USP25: variants seen among roughly 807,000 people sequenced by gnomAD.
The protein encoded by USP25 is ubiquitin specific peptidase 25.
In USP25, 85 loss-of-function variants were observed where a neutral mutation model predicts 158.5. That is an observed-to-expected ratio of 0.54 (90% CI 0.45 to 0.64). The LOEUF is 0.64. Ranked by LOEUF, USP25 falls within the 30% of genes least tolerant of loss-of-function variation. The pLI, the probability that USP25 is intolerant of heterozygous loss-of-function variation, is 0.00. For synonymous variants in USP25, 464 were observed against 460.4 expected, an observed-to-expected ratio of 1.01 and a Z score of -0.10; for missense variants, 1,242 against 1,327.3, an observed-to-expected ratio of 0.94 and a Z score of 1.00.
chr21:15,777,888 T>A lies in USP25; in HGVS notation c.269-16T>A. ...GTTTTACTTTTAATTTTGAGAAAGA[T>A]AGTTTTGCTTTTCAGATGTGATTGA... On this transcript the variant is annotated splice_polypyrimidine_tract_variant and intron_variant, in intron 3 of 25. Coordinates refer to ENST00000400183, the MANE Select transcript of USP25 (RefSeq NM_001283041.3). 1.3e-6 allele frequency: 2 copies of A among 1,564,584 alleles called. No homozygotes were observed. The highest frequency in any genetic ancestry group is 2.3e-5 in the East Asian group (1 of 44,002).
chr21:15,769,822 T>A (rs1409530196), intron 3 of USP25, among the ~76,000 whole-genome samples: 1 of 152,136 alleles, frequency 6.6e-6, no homozygotes, highest in Non-Finnish European at 1.5e-5. Context: ...TGTGCTACAA[T>A]TGAGCGATCA....
chr21:15,763,559 C>T (rs544764526), intron 2 of USP25, among the ~76,000 whole-genome samples: 36 of 152,170 alleles, frequency 2.4e-4, no homozygotes, highest in African/African-American at 8.7e-4. Context: ...TGGATACTCA[C>T]ATTGAAAAAG....
rs1388852418 is a variant in USP25 at position 15,820,030 on chromosome 21, T to A, written c.1080+1184T>A. ...CAGGGTCTACGATAGGGATGTGGTA[T>A]ATGGACACAAGAGCTGCACAAGTAA... On this transcript the variant is annotated intron_variant, in intron 10 of 25. Transcript: ENST00000400183. Among the ~76,000 whole-genome samples the A allele has an allele frequency of 9.9e-5, 15 of 152,164 alleles. No homozygotes were observed. The East Asian group carries it at 2.9e-3, about 29-fold the overall frequency.
chr21:15,813,805 C>G (rs1416084059), intron 9 of USP25, among the ~76,000 whole-genome samples: 3 of 152,030 alleles, frequency 2.0e-5, no homozygotes, highest in African/African-American at 7.2e-5. Context: ...AAACCTAGCC[C>G]CAGTTTAGTT....
chr21:15,805,857 A>T (rs894266520), intron 7 of USP25, among the ~76,000 whole-genome samples: 1 of 152,236 alleles, frequency 6.6e-6, no homozygotes, highest in African/African-American at 2.4e-5. Flanking sequence ...GTTCAAAAAG[A>T]TAGCGGCAAT....
rs768067419 is a variant in USP25 at position 15,805,231 on chromosome 21, T to A, written c.753T>A (p.Asp251Glu). The part of the protein sequence containing the change: ...DPSRAVEILK[D>E]AFKSNDSQQQ... ...CAAGAGCAGTTGAAATTCTTAAGGA[T>A]GCTTTCAAATCAAATGACTCACAGC... Residue 251 changes from aspartate (D) to glutamate (E), a missense_variant, in exon 7 of 26, where the codon GAT becomes GAA. By Grantham distance (45) the Asp-to-Glu change is conservative. Around this residue, in one of 3 missense-constraint regions of USP25, gnomAD observed 627 missense variants for 701.4 expected, o/e 0.89. Coordinates refer to ENST00000400183, the MANE Select transcript of USP25 (RefSeq NM_001283041.3). 5 of 1,604,092 alleles carry A rather than the reference T, an allele frequency of 3.1e-6. No individual in the cohort carries two copies. The South Asian group carries it at 5.6e-5, about 18-fold the overall frequency.
At chr21:15,828,874 T>A (rs576117346) in intron 14 of USP25, among the ~76,000 whole-genome samples, 4 of 152,234 alleles carry the variant, frequency 2.6e-5, no homozygotes, top group African/African-American at 9.6e-5. Context: ...CTTGACCTTG[T>A]TATCCGCCCA....
At chr21:15,862,706 GTTA>G in intron 20 of USP25, among the ~76,000 whole-genome samples, 1 of 146,984 alleles carries the variant, frequency 6.8e-6, no homozygotes, top group East Asian at 2.0e-4. Flanking sequence ...ATTTATGGCT[GTTA>G]TTTATTCACA....
intron 10 of USP25, among the ~76,000 whole-genome samples, chr21:15,823,330 A>G: frequency 6.6e-6 from 1 of 151,452 alleles, no homozygotes; most frequent in East Asian, 1.9e-4. Flanking sequence ...TTAATTGAAC[A>G]GTTACCAAAG....
intron 5 of USP25, among the ~76,000 whole-genome samples, chr21:15,798,138 C>T (rs2035951711): frequency 6.6e-6 from 1 of 151,288 alleles, no homozygotes; most frequent in Non-Finnish European, 1.5e-5. Flanking sequence ...CCACTGCAAA[C>T]ATGACTTTGC....
chr21:15,768,133 GT>G (rs2123440818), intron 3 of USP25, among the ~76,000 whole-genome samples: 1 of 152,188 alleles, frequency 6.6e-6, no homozygotes, highest in Non-Finnish European at 1.5e-5. Flanking sequence ...GAGAAATGAA[GT>G]TTCTGATGTC....
At chr21:15,783,291 G>A (rs1004651021) in intron 4 of USP25, among the ~76,000 whole-genome samples, 2 of 152,086 alleles carry the variant, frequency 1.3e-5, no homozygotes, top group Non-Finnish European at 2.9e-5. Flanking sequence ...TTCATATTAT[G>A]GGAGTGCCAG....
chr21:15,849,129 A>G (rs1015343156), intron 19 of USP25, among the ~76,000 whole-genome samples: 1 of 152,198 alleles, frequency 6.6e-6, no homozygotes. Context: ...TAAGCAGTTA[A>G]GTACTTGTTT....
intron 20 of USP25, among the ~76,000 whole-genome samples, chr21:15,862,256 T>C (rs1286087511): frequency 1.3e-5 from 2 of 152,082 alleles, no homozygotes; most frequent in Non-Finnish European, 2.9e-5. Context: ...ATCTGAAATA[T>C]TGCAAAATCC....
At chr21:15,810,626 T>C (rs974939851) in intron 8 of USP25, among the ~76,000 whole-genome samples, 3 of 152,140 alleles carry the variant, frequency 2.0e-5, no homozygotes, top group Non-Finnish European at 4.4e-5. Context: ...TTCAGCTACT[T>C]TGGGTGAAAA....
At chr21:15,745,780 T>C (rs2032504979) in intron 1 of USP25, among the ~76,000 whole-genome samples, 1 of 152,192 alleles carries the variant, frequency 6.6e-6, no homozygotes, top group African/African-American at 2.4e-5. Flanking sequence ...CCGGCTGCTT[T>C]AACCATTTTC....
rs932927489 is a variant in USP25, at chr21:15,805,367, A to G, written c.780+109A>G. On this transcript the variant is annotated intron_variant, in intron 7 of 25. Transcript: ENST00000400183. ...TATTTGAGATGCATGATTCTGCTTT[A>G]TTAAAAATAACCTGGAACCATTTAA... is the stretch of plus-strand genomic sequence containing the variant. 4.5e-6 allele frequency: 5 copies of G among 1,120,430 alleles called. No homozygotes were observed. The African/African-American group carries it at 4.8e-5, about 11-fold the overall frequency. 69.4% of individuals were successfully genotyped at this position (1,120,430 alleles called of 1,614,324 possible).
In USP25 at chr21:15,863,274, G is replaced by A. The variant is rs1206442217; in HGVS notation, c.2548-994G>A. 4.0e-5 allele frequency among the ~76,000 whole-genome samples: 6 copies of A among 151,768 alleles called. No individual in the cohort carries two copies. The East Asian group carries it at 1.2e-3, about 29-fold the overall frequency. On this transcript the variant is annotated intron_variant, in intron 20 of 25. Coordinates refer to ENST00000400183, the MANE Select transcript of USP25 (RefSeq NM_001283041.3). ...CCCATTATTATTTGTATATTATGAG[G>A]TATTTTTGTTTATAAAGAAAAACTA... is the stretch of plus-strand genomic sequence containing the variant.
Position 15,874,418 on chromosome 21 carries a change from G to T in USP25, c.2901G>T (p.Leu967Phe). Reference sequence around the variant, plus strand: ...AATTTTCAAGTTATATAGATTCCTTGCTGTTCCTCATCTGTGCTTATCAGA... The same window carrying T: ...AATTTTCAAGTTATATAGATTCCTTTCTGTTCCTCATCTGTGCTTATCAGA... ...NFQRESYIDS[L>F]LFLICAYQNN... The change falls in exon 24 of 26, where the codon TTG becomes TTT. Residue 967 changes from leucine to phenylalanine, a missense_variant. Coordinates refer to ENST00000400183, the MANE Select transcript of USP25 (RefSeq NM_001283041.3). 1 of 1,605,540 alleles carries T rather than the reference G, an allele frequency of 6.2e-7. No homozygotes were observed. The highest frequency in any genetic ancestry group is 8.5e-7 in the Non-Finnish European group (1 of 1,175,920).
Sources: gnomAD v4.1 joint callset for allele counts (sites outside exome capture counted in the v4.1 genomes callset) on GRCh38, gnomAD v4.1.1 for gene constraint, gnomAD v4.1.1 regional missense constraint, MANE v1.5 for transcripts, NCBI Gene and HGNC (gene_info 2026-07-23, HGNC 2026-07-21) for gene names.